Variants in ANO3 observed in about 807,000 individuals in gnomAD.
The protein encoded by ANO3 is anoctamin 3.
ANO3 carries 99 observed loss-of-function variants against 144.8 expected under a neutral mutation model. The ratio of observed to expected loss-of-function variants is 0.68; its 90% CI spans 0.58 to 0.81. The LOEUF (loss-of-function observed/expected upper bound fraction) is 0.81, where lower values mean the gene tolerates loss of function less well. ANO3 is among the 30% of genes least tolerant of loss of function. The probability of loss-of-function intolerance (pLI) is 0.00; values close to 1 mark genes in which losing one functional copy is unlikely to be tolerated. For missense variants in ANO3, 905 were observed against 1,202.2 expected, an observed-to-expected ratio of 0.75 and a Z score of 3.66; for synonymous variants, 414 against 392.6, an observed-to-expected ratio of 1.05 and a Z score of -0.64.
upstream of ANO3, among the ~76,000 whole-genome samples, chr11:26,308,257 A>G (rs1056619853): frequency 1.3e-5 from 2 of 152,188 alleles, no homozygotes; most frequent in Non-Finnish European, 2.9e-5. Flanking sequence ...ACATCTCCTA[A>G]TAATTCCCTT....
intron 4 of ANO3, 47 bp downstream of exon 4, chr11:26,463,195 T>G: frequency 1.0e-6 from 1 of 1,001,496 alleles, no homozygotes; most frequent in Non-Finnish European, 1.5e-6. Context: ...AGCATCATTT[T>G]TAAAACCTTA....
intron 1 of ANO3, among the ~76,000 whole-genome samples, chr11:26,247,903 G>A (rs559175720): frequency 1.3e-4 from 19 of 150,912 alleles, no homozygotes; most frequent in African/African-American, 4.6e-4. Context: ...CTAATTTTTT[G>A]GTATTTTTAG....
Position 26,227,400 on chromosome 11 carries a change from C to T in ANO3, c.154+38070C>T, listed in dbSNP as rs183299244. Among the ~76,000 whole-genome samples the T allele has an allele frequency of 1.6e-3, 241 of 152,236 alleles. 2 individuals are homozygous for T. Among genetic ancestry groups the T allele is most frequent in the Middle Eastern group, 3.4e-3 (1 of 294 alleles). On this transcript the variant is annotated intron_variant, in intron 1 of 27. Transcript: ENST00000672621. ...CAACTGCTTTATAATGTGAAAGTAA[C>T]GGCTTGATTGTCTATGTAATACCAC...
intron 1 of ANO3, among the ~76,000 whole-genome samples, chr11:26,340,548 A>T (rs1319129802): frequency 6.6e-6 from 1 of 152,186 alleles, no homozygotes; most frequent in Non-Finnish European, 1.5e-5. Flanking sequence ...GGAGACTAGA[A>T]ATCTGTATTT....
At chr11:26,565,246 G>A (rs765277132) in intron 14 of ANO3, 1 of 1,488,882 alleles carries the variant, frequency 6.7e-7, no homozygotes, top group South Asian at 1.2e-5. Context: ...GTTTTTTCTT[G>A]ATAAGGGGTA....
At chr11:26,366,517 A>G (rs1296786236) in intron 1 of ANO3, among the ~76,000 whole-genome samples, 2 of 152,236 alleles carry the variant, frequency 1.3e-5, no homozygotes, top group African/African-American at 4.8e-5. Flanking sequence ...GCTGGGTCAA[A>G]TGGTCTTTCT....
chr11:26,450,886 T>A (rs1329486279), intron 3 of ANO3, among the ~76,000 whole-genome samples: 1 of 152,248 alleles, frequency 6.6e-6, no homozygotes, highest in Non-Finnish European at 1.5e-5. Flanking sequence ...TGAGCTGGAA[T>A]AATTTAGCTA....
intron 1 of ANO3, among the ~76,000 whole-genome samples, chr11:26,221,359 G>A (rs1054698317): frequency 7.2e-5 from 11 of 152,126 alleles, no homozygotes; most frequent in Non-Finnish European, 1.0e-4. Context: ...ATTACCATTA[G>A]CAGGAAAGGG....
chr11:26,554,410 G>A (rs1273187638), intron 13 of ANO3, among the ~76,000 whole-genome samples: 2 of 152,004 alleles, frequency 1.3e-5, no homozygotes, highest in Non-Finnish European at 2.9e-5. Context: ...GTCCTTATAT[G>A]GACAAATGCT....
intron 1 of ANO3, among the ~76,000 whole-genome samples, chr11:26,199,796 G>A (rs11029382): frequency 6.6e-6 from 1 of 152,122 alleles, no homozygotes; most frequent in Non-Finnish European, 1.5e-5. Flanking sequence ...AGTGCTCATC[G>A]TCTTCCTTAT....
intron 7 of ANO3, among the ~76,000 whole-genome samples, chr11:26,529,413 A>T (rs1216002878): frequency 4.9e-5 from 1 of 20,576 alleles, no homozygotes. Context: ...AATAATATAT[A>T]ATAATATATT....
At chr11:26,235,933 C>T (rs1170639543) in intron 1 of ANO3, among the ~76,000 whole-genome samples, 1 of 152,066 alleles carries the variant, frequency 6.6e-6, no homozygotes, top group East Asian at 1.9e-4. Context: ...TTGAAAGTAG[C>T]CAATCTCAAT....
chr11:26,425,042 C>G (rs534140698), intron 1 of ANO3, among the ~76,000 whole-genome samples: 7 of 151,884 alleles, frequency 4.6e-5, no homozygotes, highest in African/African-American at 1.2e-4. Context: ...CCCCCCCACC[C>G]CACAAGAGGC....
chr11:26,415,573 A>G (rs1436376547), intron 1 of ANO3, among the ~76,000 whole-genome samples: 1 of 152,056 alleles, frequency 6.6e-6, no homozygotes, highest in Non-Finnish European at 1.5e-5. Flanking sequence ...TTTTTGTTTC[A>G]TCTTTCCTAT....
chr11:26,312,985 A>G (rs1470961110), intron 1 of ANO3, among the ~76,000 whole-genome samples: 3 of 152,236 alleles, frequency 2.0e-5, no homozygotes, highest in Non-Finnish European at 4.4e-5. Context: ...ATGAATTCCA[A>G]ATTCTTCAGA....
intron 4 of ANO3, among the ~76,000 whole-genome samples, chr11:26,469,307 C>T (rs1052435428): frequency 1.3e-5 from 2 of 151,712 alleles, no homozygotes; most frequent in African/African-American, 4.8e-5. Context: ...ACTGCTTAAA[C>T]CTGGGTGTGT....
exon 1 of ANO3, chr11:26,189,014 A>T (rs565067853): frequency 5.6e-6 from 1 of 177,800 alleles, no homozygotes; most frequent in Admixed American, 6.5e-5. Context: ...TCTTAGAGTC[A>T]GCTCTGCATG....
At chr11:26,251,788 G>T (rs971063264) in intron 1 of ANO3, among the ~76,000 whole-genome samples, 1 of 152,168 alleles carries the variant, frequency 6.6e-6, no homozygotes, top group Admixed American at 6.6e-5. Flanking sequence ...GTGAGAAAGA[G>T]CGAGGAAGTG....
At chr11:26,531,422 A>G (rs1849368736) in intron 8 of ANO3, 86 bp downstream of exon 8, 1 of 1,424,996 alleles carries the variant, frequency 7.0e-7, no homozygotes, top group South Asian at 1.4e-5. Context: ...GACCATTTCC[A>G]TTGTTTACCA....
Sources: allele counts gnomAD v4.1 joint callset (sites outside exome capture counted in the v4.1 genomes callset), GRCh38; gene constraint gnomAD v4.1.1; transcripts MANE v1.5; gene names NCBI Gene and HGNC (gene_info 2026-07-23, HGNC 2026-07-21).